Variants in GPC5 observed in about 807,000 individuals in gnomAD.
The protein encoded by GPC5 is glypican-5.
GPC5 carries 47 observed loss-of-function variants against 53.9 expected under a neutral mutation model. The ratio of observed to expected loss-of-function variants is 0.87; its 90% CI spans 0.69 to 1.11. The LOEUF (loss-of-function observed/expected upper bound fraction) is 1.11. Ranked by LOEUF, GPC5 falls within the 50% of genes most tolerant of loss-of-function variation. The probability of loss-of-function intolerance (pLI) is 0.00; values close to 1 mark genes in which losing one functional copy is unlikely to be tolerated. For synonymous variants in GPC5, 286 were observed against 263.3 expected, an observed-to-expected ratio of 1.09 and a Z score of -0.84; for missense variants, 748 against 713.1, an observed-to-expected ratio of 1.05 and a Z score of -0.56.
chr13:92,712,553 G>A (rs1026235867), intron 7 of GPC5, among the ~76,000 whole-genome samples: 17 of 151,918 alleles, frequency 1.1e-4, no homozygotes, highest in Non-Finnish European at 1.5e-4. Flanking sequence ...CCAAAACCAC[G>A]ATCCATAAAA....
intron 6 of GPC5, among the ~76,000 whole-genome samples, chr13:92,034,097 C>T (rs2040874506): frequency 6.6e-6 from 1 of 151,976 alleles, no homozygotes; most frequent in South Asian, 2.1e-4. Flanking sequence ...ATTTCTAATG[C>T]TAACAAAACA....
chr13:91,910,593 C>T (rs1440284962), intron 6 of GPC5, among the ~76,000 whole-genome samples: 1 of 152,108 alleles, frequency 6.6e-6, no homozygotes, highest in Non-Finnish European at 1.5e-5. Context: ...CAAAAATTGC[C>T]TGCATACACT....
chr13:91,623,057 CA>C (rs2033904009), intron 2 of GPC5, among the ~76,000 whole-genome samples: 1 of 151,978 alleles, frequency 6.6e-6, no homozygotes, highest in Admixed American at 6.6e-5. Context: ...AGAGAGTAAA[CA>C]GGGGTGAATA....
chr13:91,586,582 AGAGAGAGAGG>A (rs2032603095), intron 2 of GPC5, among the ~76,000 whole-genome samples: 1 of 121,646 alleles, frequency 8.2e-6, no homozygotes, highest in African/African-American at 3.1e-5. Context: ...AGAGAGAGAG[AGAGAGAGAGG>A]GAGAGGAAGT....
chr13:92,428,464 T>G (rs1876939921), intron 7 of GPC5, among the ~76,000 whole-genome samples: 1 of 152,102 alleles, frequency 6.6e-6, no homozygotes, highest in African/African-American at 2.4e-5. Context: ...GTCCATATTT[T>G]TCAGTACTGT....
intron 7 of GPC5, among the ~76,000 whole-genome samples, chr13:92,802,715 G>T (rs925461020): frequency 2.6e-5 from 4 of 151,748 alleles, no homozygotes; most frequent in Non-Finnish European, 5.9e-5. Flanking sequence ...AACAAACACC[G>T]CATGTTCTCA....
intron 1 of GPC5, among the ~76,000 whole-genome samples, chr13:91,428,891 A>G (rs1043180555): frequency 2.0e-5 from 3 of 152,040 alleles, no homozygotes; most frequent in East Asian, 1.9e-4. Context: ...TTAAAAATCT[A>G]TCTAGTTTAT....
intron 6 of GPC5, among the ~76,000 whole-genome samples, chr13:91,979,605 C>T (rs182278310): frequency 1.3e-5 from 2 of 152,200 alleles, no homozygotes; most frequent in African/African-American, 2.4e-5. Context: ...GATAAAACTC[C>T]CCAAACTCTA....
chr13:92,160,928 A>G (rs2139005806), intron 7 of GPC5, among the ~76,000 whole-genome samples: 1 of 152,306 alleles, frequency 6.6e-6, no homozygotes, highest in South Asian at 2.1e-4. Flanking sequence ...GATATGGTCA[A>G]GCGTCTCTTC....
intron 2 of GPC5, among the ~76,000 whole-genome samples, chr13:91,586,679 C>A (rs528722278): frequency 6.8e-6 from 1 of 146,334 alleles, no homozygotes; most frequent in African/African-American, 2.5e-5. Flanking sequence ...CCCCATGATC[C>A]AATCACCCCC....
chr13:92,074,815 G>C (rs564966429), intron 6 of GPC5, among the ~76,000 whole-genome samples: 1 of 152,230 alleles, frequency 6.6e-6, no homozygotes, highest in South Asian at 2.1e-4. Context: ...TGATTCCTTC[G>C]CACATCGCTA....
At chr13:92,325,187 A>G (rs569932074) in intron 7 of GPC5, among the ~76,000 whole-genome samples, 4 of 151,912 alleles carry the variant, frequency 2.6e-5, no homozygotes, top group African/African-American at 9.6e-5. Flanking sequence ...ATATTCTCAG[A>G]TTAGTAAGAG....
intron 7 of GPC5, among the ~76,000 whole-genome samples, chr13:92,637,534 G>A (rs554188643): frequency 6.6e-6 from 1 of 152,284 alleles, no homozygotes; most frequent in South Asian, 2.1e-4. Flanking sequence ...AGAATACTCA[G>A]AAGTGTATTG....
At chr13:92,763,627 G>A (rs1164396204) in intron 7 of GPC5, among the ~76,000 whole-genome samples, 1 of 152,150 alleles carries the variant, frequency 6.6e-6, no homozygotes, top group Non-Finnish European at 1.5e-5. Context: ...CTGGGGTCAG[G>A]TTCTCATAAA....
At chr13:91,803,947 C>T (rs2038178381) in intron 5 of GPC5, among the ~76,000 whole-genome samples, 1 of 151,894 alleles carries the variant, frequency 6.6e-6, no homozygotes, top group Non-Finnish European at 1.5e-5. Flanking sequence ...AAAGGCAATG[C>T]AGTGAAAGAG....
At chr13:92,323,975 T>C (rs2043233301) in intron 7 of GPC5, among the ~76,000 whole-genome samples, 1 of 151,992 alleles carries the variant, frequency 6.6e-6, no homozygotes, top group South Asian at 2.1e-4. Flanking sequence ...TTGCCTGCTG[T>C]ATTGTGTGTT....
chr13:92,639,335 T>A (rs1433697566), intron 7 of GPC5, among the ~76,000 whole-genome samples: 1 of 152,214 alleles, frequency 6.6e-6, no homozygotes, highest in African/African-American at 2.4e-5. Flanking sequence ...CTATCAAATC[T>A]TCCTTTGTTC....
At chr13:91,498,656 G>C (rs954798661) in intron 2 of GPC5, among the ~76,000 whole-genome samples, 1 of 152,090 alleles carries the variant, frequency 6.6e-6, no homozygotes. Context: ...CTCTAAGGAG[G>C]GTGGAAGGGA....
chr13:91,787,362 T>A lies in GPC5; in HGVS notation c.1280+30942T>A, dbSNP rs375490219. 5.1e-4 allele frequency among the ~76,000 whole-genome samples: 77 copies of A among 152,276 alleles called. 1 individual carries two copies. The South Asian group carries it at 0.016, about 31-fold the overall frequency. On this transcript the variant is annotated intron_variant, in intron 5 of 7. Coordinates refer to ENST00000377067, the MANE Select transcript of GPC5 (RefSeq NM_004466.6). ...TATGAACCTTTTATGAGATTCTTAGTTTGCTTAGAGTTTTTATTATGAATA... is the reference window on the plus strand; with the variant it reads ...TATGAACCTTTTATGAGATTCTTAGATTGCTTAGAGTTTTTATTATGAATA...
Sources: gnomAD v4.1 joint callset for allele counts (sites outside exome capture counted in the v4.1 genomes callset) on GRCh38, gnomAD v4.1.1 for gene constraint, MANE v1.5 for transcripts, NCBI Gene and HGNC (gene_info 2026-07-23, HGNC 2026-07-21) for gene names.